The following ZDHHC7 variants were observed in gnomAD, a reference collection of about 807,000 sequenced individuals.
The protein encoded by ZDHHC7 is zDHHC palmitoyltransferase 7.
A neutral mutation model predicts 34.1 loss-of-function variants in ZDHHC7; 12 were observed. That is an observed-to-expected ratio of 0.35 (90% CI 0.23 to 0.57). ZDHHC7 has a LOEUF of 0.57. Among genes scored for constraint, ZDHHC7 ranks in the 20% least tolerant of loss-of-function variants. The probability of loss-of-function intolerance (pLI) is 0.84; values close to 1 mark genes in which losing one functional copy is unlikely to be tolerated. For missense variants in ZDHHC7, 388 were observed against 402.7 expected (o/e 0.96, Z 0.31); for synonymous variants, 185 against 155.4 (o/e 1.19, Z -1.42).
intron 3 of ZDHHC7, among the ~76,000 whole-genome samples, chr16:84,989,383 C>A (rs781423626): frequency 6.6e-6 from 1 of 152,142 alleles, no homozygotes; most frequent in Non-Finnish European, 1.5e-5. Context: ...GTGAGCTGAT[C>A]CGTTTCAGTT....
Position 84,980,127 on chromosome 16 carries a change from A to AT in ZDHHC7, c.441-843dup, listed in dbSNP as rs113568570. 5.1e-3 allele frequency among the ~76,000 whole-genome samples: 752 copies of AT among 148,018 alleles called. 6 individuals carry two copies. The highest frequency in any genetic ancestry group is 0.018 in the African/African-American group (718 of 40,370). On this transcript the variant is annotated intron_variant, in intron 4 of 7. Coordinates refer to ENST00000313732, the MANE Select transcript of ZDHHC7 (RefSeq NM_017740.3). The stretch of plus-strand genomic sequence containing the variant: ...AGGCACCAGTCACCATGCCCGGCTA[A>AT]TTTTTTTTTTCTATTTTTAGTAGAG...
intron 1 of ZDHHC7, among the ~76,000 whole-genome samples, chr16:85,009,804 G>A (rs1246707344): frequency 6.6e-6 from 1 of 151,116 alleles, no homozygotes; most frequent in South Asian, 2.1e-4. Flanking sequence ...CGCCTCCCGG[G>A]TTCACGTGAT....
chr16:85,006,006 C>G (rs750229904), intron 1 of ZDHHC7, among the ~76,000 whole-genome samples: 19 of 152,176 alleles, frequency 1.2e-4, no homozygotes, highest in African/African-American at 4.6e-4. Context: ...CTCTGCAGAA[C>G]GCTAACTTCA....
At chr16:85,021,894 C>T in the ZDHHC7 span, among the ~76,000 whole-genome samples, 17 of 151,806 alleles carry the variant, frequency 1.1e-4, no homozygotes, top group Non-Finnish European at 1.9e-4. Context: ...CAGTGGCTCA[C>T]GCCTGTAATC....
chr16:84,979,389 A>C, intron 4 of ZDHHC7, 104 bp from the exon 5 acceptor site: 2 of 1,431,754 alleles, frequency 1.4e-6, no homozygotes, highest in Non-Finnish European at 1.9e-6. Flanking sequence ...TGTATATTCT[A>C]ATACAACATG....
upstream of ZDHHC7, chr16:85,011,625 C>T (rs1392847296): frequency 6.6e-6 from 1 of 152,212 alleles, no homozygotes; most frequent in Non-Finnish European, 1.5e-5. Flanking sequence ...TTGAGGGGAC[C>T]CGGAGGCTCT....
intron 1 of ZDHHC7, among the ~76,000 whole-genome samples, chr16:85,003,416 G>A (rs928289931): frequency 5.9e-5 from 9 of 152,300 alleles, no homozygotes; most frequent in East Asian, 1.9e-4. Flanking sequence ...CAAAAGGAGC[G>A]CAGCACTCAG....
chr16:85,027,468 C>G, the ZDHHC7 span, among the ~76,000 whole-genome samples: 1 of 152,166 alleles, frequency 6.6e-6, no homozygotes, highest in African/African-American at 2.4e-5. Flanking sequence ...TTCCCATGCC[C>G]CCAACTAAAT....
At chr16:85,017,326 C>T in the ZDHHC7 span, among the ~76,000 whole-genome samples, 1 of 152,184 alleles carries the variant, frequency 6.6e-6, no homozygotes, top group Admixed American at 6.5e-5. Context: ...AGTATCCAGA[C>T]ACCCACTAGA....
chr16:85,025,398 G>A, the ZDHHC7 span, among the ~76,000 whole-genome samples: 5 of 147,828 alleles, frequency 3.4e-5, no homozygotes, highest in Non-Finnish European at 5.9e-5. Context: ...AGCCTTTTAT[G>A]TCTGCCAACA....
rs139520990 is a variant in ZDHHC7 at position 84,981,929 on chromosome 16, T to A, written c.381A>T (p.Glu127Asp). 1.3e-4 allele frequency: 210 copies of A among 1,614,100 alleles called. No homozygotes were observed. Among genetic ancestry groups the A allele is most frequent in the Non-Finnish European group, 1.6e-4 (194 of 1,180,042 alleles). Residue 127 changes from glutamate (E) to aspartate (D), a missense_variant, in exon 4 of 8, where the codon GAA becomes GAT. Transcript: ENST00000313732. ...AGCACTTGGGGCACTTGTAGATGAC[T>A]TCCCCGGGCTTCAGCTGCAAGCTCT... Reference protein sequence around the residue: ...YMESLQLKPGEVIYKCPKCCC... With the variant: ...YMESLQLKPGDVIYKCPKCCC...
chr16:84,992,209 C>G (rs1034423608), intron 2 of ZDHHC7, among the ~76,000 whole-genome samples: 1 of 151,646 alleles, frequency 6.6e-6, no homozygotes, highest in Non-Finnish European at 1.5e-5. Flanking sequence ...GTGGCTCATA[C>G]CTGTAACCCC....
chr16:84,987,035 C>G (rs903593100), intron 3 of ZDHHC7, among the ~76,000 whole-genome samples: 2 of 152,246 alleles, frequency 1.3e-5, no homozygotes, highest in African/African-American at 4.8e-5. Context: ...CTGAGGACTG[C>G]CCTTCTTCCC....
intron 1 of ZDHHC7, among the ~76,000 whole-genome samples, chr16:85,003,732 C>T (rs2072681412): frequency 6.6e-6 from 1 of 152,152 alleles, no homozygotes; most frequent in South Asian, 2.1e-4. Flanking sequence ...TATTAAAATA[C>T]TTAATCACTC....
At chr16:85,026,142 C>G in the ZDHHC7 span, among the ~76,000 whole-genome samples, 30 of 152,302 alleles carry the variant, frequency 2.0e-4, no homozygotes, top group African/African-American at 6.7e-4. Context: ...TTTTACAATT[C>G]TCCCAAACAG....
chr16:85,018,193 C>T, the ZDHHC7 span, among the ~76,000 whole-genome samples: 4 of 152,122 alleles, frequency 2.6e-5, no homozygotes, highest in Non-Finnish European at 5.9e-5. Flanking sequence ...ATTTAATTCT[C>T]CTGTGGCCAC....
At chr16:85,005,032 C>G (rs1421626206) in intron 1 of ZDHHC7, 2 of 152,220 alleles carry the variant, frequency 1.3e-5, no homozygotes, top group African/African-American at 4.8e-5. Flanking sequence ...AAAGGTTCCC[C>G]TTTCATCCCT....
chr16:85,000,702 C>T (rs913333927), intron 1 of ZDHHC7, among the ~76,000 whole-genome samples: 4 of 152,204 alleles, frequency 2.6e-5, no homozygotes, highest in Non-Finnish European at 5.9e-5. Context: ...CTGCCATGAA[C>T]AGTCCACTCA....
At chr16:84,979,927 A>T (rs140827417) in intron 4 of ZDHHC7, among the ~76,000 whole-genome samples, 70 of 149,876 alleles carry the variant, frequency 4.7e-4, no homozygotes, top group African/African-American at 1.6e-3. Context: ...CGCTGCAGGC[A>T]GACTTGCTAT....
Sources: gnomAD v4.1 joint callset for allele counts (sites outside exome capture counted in the v4.1 genomes callset) on GRCh38, gnomAD v4.1.1 for gene constraint, MANE v1.5 for transcripts, NCBI Gene and HGNC (gene_info 2026-07-23, HGNC 2026-07-21) for gene names.